SDK1: variants seen among roughly 807,000 people sequenced by gnomAD.
SDK1 encodes sidekick cell adhesion molecule 1.
Under a neutral mutation model 245.5 loss-of-function variants are expected in SDK1, and 157 were observed. That is an observed-to-expected ratio of 0.64 (90% CI 0.56 to 0.73). SDK1 has a LOEUF of 0.73. SDK1 is among the 30% of genes least tolerant of loss of function. The pLI is 0.00. For missense variants in SDK1, 3,583 were observed against 3,002.3 expected, an observed-to-expected ratio of 1.19 and a Z score of -4.52; for synonymous variants, 1,647 against 1,278.5, an observed-to-expected ratio of 1.29 and a Z score of -6.15.
intron 4 of SDK1, among the ~76,000 whole-genome samples, chr7:3,763,844 C>G (rs908844560): frequency 4.6e-5 from 7 of 152,100 alleles, no homozygotes; most frequent in African/African-American, 1.7e-4. Context: ...AAGCAACAAA[C>G]TAACATATAA....
chr7:3,537,908 G>C (rs1054992632), intron 1 of SDK1, among the ~76,000 whole-genome samples: 3 of 152,226 alleles, frequency 2.0e-5, no homozygotes, highest in African/African-American at 7.2e-5. Context: ...CCTGGTGGCA[G>C]ATACCCCAGA....
intron 20 of SDK1, among the ~76,000 whole-genome samples, chr7:4,069,326 G>A (rs1780097540): frequency 6.6e-6 from 1 of 152,164 alleles, no homozygotes; most frequent in African/African-American, 2.4e-5. Flanking sequence ...ACATTACCAA[G>A]GATTTCTAGC....
chr7:3,431,846 C>G (rs1452027154), intron 1 of SDK1, among the ~76,000 whole-genome samples: 2 of 151,502 alleles, frequency 1.3e-5, no homozygotes, highest in Non-Finnish European at 2.9e-5. Context: ...ATAATTAGAT[C>G]TCACATAAAT....
At chr7:3,957,480 A>C (rs1003193486) in intron 7 of SDK1, among the ~76,000 whole-genome samples, 4 of 152,224 alleles carry the variant, frequency 2.6e-5, no homozygotes, top group African/African-American at 9.6e-5. Context: ...GTTTTCTAAA[A>C]AGAAAACGCT....
chr7:3,335,687 C>T lies in SDK1; in HGVS notation c.298+33803C>T, dbSNP rs190821890. On this transcript the variant is annotated intron_variant, in intron 1 of 44. Coordinates refer to ENST00000404826, the MANE Select transcript of SDK1 (RefSeq NM_152744.4). ...CTACTGCCAGGAAGAGGAAAGTAAG[C>T]ACTAGAACTTTCAAATTCACAGAAG... Among the ~76,000 whole-genome samples the T allele has an allele frequency of 4.2e-3, 633 of 152,158 alleles. 7 individuals are homozygous for T. The highest frequency in any genetic ancestry group is 0.018 in the South Asian group (86 of 4,814).
intron 1 of SDK1, among the ~76,000 whole-genome samples, chr7:3,595,730 T>C (rs978017580): frequency 9.0e-5 from 13 of 145,048 alleles, no homozygotes; most frequent in African/African-American, 3.1e-4. Flanking sequence ...ACGAGTCTAA[T>C]TGTTAGAGAA....
intron 35 of SDK1, among the ~76,000 whole-genome samples, chr7:4,202,185 T>A (rs914564267): frequency 6.6e-6 from 1 of 152,044 alleles, no homozygotes; most frequent in African/African-American, 2.4e-5. Context: ...GTGATGCGTG[T>A]CTCTCTCTGA....
At chr7:3,664,540 ATCAGCC>A (rs1325160160) in intron 4 of SDK1, among the ~76,000 whole-genome samples, 2 of 152,088 alleles carry the variant, frequency 1.3e-5, no homozygotes, top group African/African-American at 4.8e-5. Context: ...GGAGATCGAG[ATCAGCC>A]TGGCCAACAT....
chr7:3,581,360 A>G (rs1357518241), intron 1 of SDK1, among the ~76,000 whole-genome samples: 1 of 152,242 alleles, frequency 6.6e-6, no homozygotes, highest in Non-Finnish European at 1.5e-5. Flanking sequence ...GAAACTTTTC[A>G]AAAGAAGACA....
At chr7:3,444,519 G>C (rs979362088) in intron 1 of SDK1, among the ~76,000 whole-genome samples, 9 of 152,078 alleles carry the variant, frequency 5.9e-5, no homozygotes, top group Non-Finnish European at 1.3e-4. Flanking sequence ...CCTTATTTAA[G>C]AACTTTTTAT....
chr7:4,098,371 T>C (rs949915806), intron 22 of SDK1, among the ~76,000 whole-genome samples: 3 of 152,226 alleles, frequency 2.0e-5, no homozygotes, highest in Non-Finnish European at 4.4e-5. Flanking sequence ...TCCCCGTTCT[T>C]TCCGAGGACC....
intron 1 of SDK1, among the ~76,000 whole-genome samples, chr7:3,353,227 C>G (rs948176929): frequency 6.6e-6 from 1 of 152,072 alleles, no homozygotes; most frequent in African/African-American, 2.4e-5. Context: ...GATTATATCC[C>G]TTTTTACTAT....
chr7:3,339,914 A>G (rs1236758332), intron 1 of SDK1, among the ~76,000 whole-genome samples: 1 of 152,096 alleles, frequency 6.6e-6, no homozygotes, highest in Admixed American at 6.6e-5. Flanking sequence ...AATCATAAAA[A>G]GTTATTTCTT....
intron 1 of SDK1, among the ~76,000 whole-genome samples, chr7:3,324,622 T>G (rs1389084591): frequency 6.6e-6 from 1 of 152,226 alleles, no homozygotes; most frequent in Non-Finnish European, 1.5e-5. Flanking sequence ...ATAACTGTAA[T>G]TTTTACTCAT....
At chr7:3,619,331 TATTGG>T in intron 2 of SDK1, 92 bp downstream of exon 2, 1 of 1,072,338 alleles carries the variant, frequency 9.3e-7, no homozygotes, top group Non-Finnish European at 1.4e-6. Flanking sequence ...TGAGTGAAAA[TATTGG>T]ATTGAATTTC....
At chr7:3,974,345 C>G (rs374999511) in intron 12 of SDK1, 24 bp from the exon 13 acceptor site, 19 of 1,601,802 alleles carry the variant, frequency 1.2e-5, no homozygotes, top group Non-Finnish European at 8.5e-7. Context: ...GTTTGTAACT[C>G]AAGACCCTTT....
rs190654506 is a variant in SDK1, at chr7:3,464,827, A to G, written c.299-154253A>G. On this transcript the variant is annotated intron_variant, in intron 1 of 44. Transcript: ENST00000404826. Reference sequence around the variant, plus strand: ...GTCGGGACAGTCTTTAAAAATTTGGACAAATTTTTAAAGAGTAAGTTGTGA... The same window carrying G: ...GTCGGGACAGTCTTTAAAAATTTGGGCAAATTTTTAAAGAGTAAGTTGTGA... Among the ~76,000 whole-genome samples the G allele has an allele frequency of 3.4e-4, 51 of 152,144 alleles. 1 individual carries two copies. The East Asian group carries it at 8.9e-3, about 27-fold the overall frequency.
chr7:3,726,135 G>C (rs1420871137), intron 4 of SDK1, among the ~76,000 whole-genome samples: 1 of 152,220 alleles, frequency 6.6e-6, no homozygotes, highest in Admixed American at 6.5e-5. Context: ...TATAGAGAAG[G>C]ATCTAGGGAT....
At chr7:3,662,635 A>G (rs1333245782) in intron 4 of SDK1, among the ~76,000 whole-genome samples, 1 of 152,214 alleles carries the variant, frequency 6.6e-6, no homozygotes, top group Non-Finnish European at 1.5e-5. Context: ...CTCTCTTAAG[A>G]GCACAACAGC....
Sources: allele counts gnomAD v4.1 joint callset (sites outside exome capture counted in the v4.1 genomes callset), GRCh38; gene constraint gnomAD v4.1.1; transcripts MANE v1.5; gene names NCBI Gene and HGNC (gene_info 2026-07-23, HGNC 2026-07-21).